Variants in ADAMTSL1 observed in about 807,000 individuals in gnomAD.
ADAMTSL1 encodes ADAMTS like 1.
Under a neutral mutation model 201.8 loss-of-function variants are expected in ADAMTSL1, and 126 were observed. The ratio of observed to expected loss-of-function variants is 0.62; its 90% CI spans 0.54 to 0.72. The LOEUF (loss-of-function observed/expected upper bound fraction) is 0.72. Ranked by LOEUF, ADAMTSL1 falls within the 30% of genes least tolerant of loss-of-function variation. The pLI is 0.00. For missense variants in ADAMTSL1, 2,679 were observed against 2,277.8 expected, an observed-to-expected ratio of 1.18 and a Z score of -3.59; for synonymous variants, 1,121 against 903.4, an observed-to-expected ratio of 1.24 and a Z score of -4.32.
intron 2 of ADAMTSL1, among the ~76,000 whole-genome samples, chr9:18,183,056 T>A (rs1452820880): frequency 6.6e-6 from 1 of 152,208 alleles, no homozygotes; most frequent in East Asian, 1.9e-4. Context: ...TGCCAGGTAA[T>A]CAGACTTTCT....
chr9:18,795,079 C>A (rs1308962551), intron 19 of ADAMTSL1, among the ~76,000 whole-genome samples: 1 of 152,214 alleles, frequency 6.6e-6, no homozygotes, highest in Non-Finnish European at 1.5e-5. Flanking sequence ...AGCATCCCCC[C>A]TTCCCCCGGA....
At chr9:18,449,434 A>G (rs921651957) in intron 2 of ADAMTSL1, among the ~76,000 whole-genome samples, 1 of 152,102 alleles carries the variant, frequency 6.6e-6, no homozygotes, top group Non-Finnish European at 1.5e-5. Context: ...AAGACTTAAC[A>G]TATGACTATT....
chr9:18,483,755 A>G (rs368794790), intron 1 of ADAMTSL1, among the ~76,000 whole-genome samples: 1 of 152,194 alleles, frequency 6.6e-6, no homozygotes, highest in South Asian at 2.1e-4. Context: ...TGAACCTGGG[A>G]GGCGGAGCTT....
At position 18,403,156 on chromosome 9, in the gene ADAMTSL1, C is replaced by CT. The variant is rs372233930; in HGVS notation, c.208-101662dup. Among the ~76,000 whole-genome samples, 211 of 148,574 alleles carry CT rather than the reference C, an allele frequency of 1.4e-3. 1 individual carries two copies. Among genetic ancestry groups the CT allele is most frequent in the Non-Finnish European group, 2.0e-3 (134 of 66,884 alleles). ...TCACATTTTCTCATTTTCTTGTAAT[C>CT]TTTTTTTTTTTATTTTTCCCCATTT... On this transcript the variant is annotated intron_variant, in intron 2 of 29. Coordinates refer to the ADAMTSL1 transcript ENST00000680146.
chr9:18,584,549 A>T (rs1203983648), intron 4 of ADAMTSL1, among the ~76,000 whole-genome samples: 1 of 152,208 alleles, frequency 6.6e-6, no homozygotes, highest in Non-Finnish European at 1.5e-5. Flanking sequence ...AACAGGACTC[A>T]TCTTTCTTCC....
At chr9:17,956,538 G>A (rs558355997) in intron 1 of ADAMTSL1, among the ~76,000 whole-genome samples, 1 of 152,098 alleles carries the variant, frequency 6.6e-6, no homozygotes, top group African/African-American at 2.4e-5. Context: ...TGGGAAGCCC[G>A]GGTGACTGTA....
intron 26 of ADAMTSL1, among the ~76,000 whole-genome samples, chr9:18,895,112 G>C (rs954107411): frequency 6.6e-6 from 1 of 152,178 alleles, no homozygotes; most frequent in Non-Finnish European, 1.5e-5. Flanking sequence ...TGTAAAAGTA[G>C]GCACTGAAAT....
intron 3 of ADAMTSL1, among the ~76,000 whole-genome samples, chr9:18,537,781 G>A (rs1819866669): frequency 6.6e-6 from 1 of 151,826 alleles, no homozygotes; most frequent in Non-Finnish European, 1.5e-5. Flanking sequence ...GGCTGAGGCG[G>A]GAGGATTGCT....
intron 2 of ADAMTSL1, among the ~76,000 whole-genome samples, chr9:18,276,714 G>C (rs1832602454): frequency 6.6e-6 from 1 of 152,164 alleles, no homozygotes; most frequent in Non-Finnish European, 1.5e-5. Flanking sequence ...GATGAGAACA[G>C]GAGCAAGAGA....
intron 4 of ADAMTSL1, among the ~76,000 whole-genome samples, chr9:18,594,778 G>T (rs1019806462): frequency 3.9e-5 from 6 of 152,040 alleles, no homozygotes; most frequent in African/African-American, 1.2e-4. Flanking sequence ...TGTCTGAGAG[G>T]TCACACCTCT....
chr9:18,616,789 C>T (rs4977264), intron 4 of ADAMTSL1, among the ~76,000 whole-genome samples: 82,606 of 151,898 alleles, frequency 0.54, 22,747 homozygotes, highest in East Asian at 0.76. Flanking sequence ...CTCATTTGTT[C>T]TTGTGAATTT....
chr9:17,973,197 T>C (rs1588502674), intron 1 of ADAMTSL1, among the ~76,000 whole-genome samples: 1 of 151,696 alleles, frequency 6.6e-6, no homozygotes, highest in Admixed American at 6.6e-5. Flanking sequence ...TTTTGGCTTT[T>C]GTTGCCATTC....
Position 18,909,476 on chromosome 9 carries a change from C to G in ADAMTSL1, c.*928C>G, listed in dbSNP as rs1257877669. The G allele has an allele frequency of 6.6e-6, 1 of 152,318 alleles. No individual in the cohort carries two copies. The highest frequency in any genetic ancestry group is 2.4e-5 in the African/African-American group (1 of 41,456). 9.4% of individuals were successfully genotyped at this position (152,318 alleles called of 1,614,324 possible). On this transcript the variant is annotated 3_prime_UTR_variant, in exon 29 of 29. Transcript: ENST00000380548. Reference sequence around the variant, plus strand: ...ATGCAGTAAGGCCACCCTGGCACCTCTTTATCTAAATCCGAAGTCCCCTAG... The same window carrying G: ...ATGCAGTAAGGCCACCCTGGCACCTGTTTATCTAAATCCGAAGTCCCCTAG...
intron 2 of ADAMTSL1, among the ~76,000 whole-genome samples, chr9:18,289,132 T>C (rs921747264): frequency 1.2e-4 from 15 of 129,136 alleles, no homozygotes; most frequent in African/African-American, 4.1e-4. Flanking sequence ...TATATATATG[T>C]CTGTCTATCT....
chr9:18,721,515 G>C, intron 14 of ADAMTSL1, 21 bp from the exon 15 acceptor site: 14 of 1,612,908 alleles, frequency 8.7e-6, no homozygotes, highest in Non-Finnish European at 1.2e-5. Context: ...ACTCTGGCCT[G>C]ACCGTGTGAT....
intron 1 of ADAMTSL1, among the ~76,000 whole-genome samples, chr9:17,990,656 G>A (rs1308109641): frequency 6.6e-6 from 1 of 152,008 alleles, no homozygotes; most frequent in African/African-American, 2.4e-5. Context: ...TTTAACAACA[G>A]TAAAAAGAAC....
At chr9:18,198,827 T>G (rs1340215565) in intron 2 of ADAMTSL1, among the ~76,000 whole-genome samples, 2 of 143,686 alleles carry the variant, frequency 1.4e-5, no homozygotes, top group Non-Finnish European at 3.0e-5. Flanking sequence ...TATTGCGGCA[T>G]TATTCACAAC....
chr9:18,160,882 T>C (rs1319188271), intron 1 of ADAMTSL1, among the ~76,000 whole-genome samples: 1 of 144,598 alleles, frequency 6.9e-6, no homozygotes, highest in African/African-American at 2.5e-5. Flanking sequence ...AGAGACAATG[T>C]CTCACTATTT....
intron 2 of ADAMTSL1, among the ~76,000 whole-genome samples, chr9:18,233,842 G>C (rs913729485): frequency 1.3e-5 from 2 of 152,156 alleles, no homozygotes; most frequent in African/African-American, 4.8e-5. Context: ...TGTGGCCCTG[G>C]GGTGGCTCAT....
Sources: gnomAD v4.1 joint callset for allele counts (sites outside exome capture counted in the v4.1 genomes callset) on GRCh38, gnomAD v4.1.1 for gene constraint, MANE v1.5 for transcripts, NCBI Gene and HGNC (gene_info 2026-07-23, HGNC 2026-07-21) for gene names.